The following FOXN2 variants were observed in gnomAD, a reference collection of about 807,000 sequenced individuals.
FOXN2 encodes forkhead box protein N2.
FOXN2 carries 19 observed loss-of-function variants against 41.2 expected under a neutral mutation model. That is an observed-to-expected ratio of 0.46 (90% CI 0.32 to 0.68). The LOEUF (loss-of-function observed/expected upper bound fraction) is 0.68, where lower values mean the gene tolerates loss of function less well. FOXN2 is among the 30% of genes least tolerant of loss of function. The pLI, the probability that FOXN2 is intolerant of heterozygous loss-of-function variation, is 0.03. For missense variants in FOXN2, 587 were observed against 509.4 expected (o/e 1.15, Z -1.47); for synonymous variants, 195 against 176.8 (o/e 1.10, Z -0.82).
intron 1 of FOXN2, among the ~76,000 whole-genome samples, chr2:48,320,912 T>G (rs948487475): frequency 3.9e-5 from 6 of 152,160 alleles, no homozygotes; most frequent in African/African-American, 1.4e-4. Context: ...TTCCTGGGAC[T>G]CAAGGAGGTT....
intron 3 of FOXN2, among the ~76,000 whole-genome samples, chr2:48,357,504 CT>C (rs113343294): frequency 2.0e-3 from 283 of 144,040 alleles, no homozygotes; most frequent in Middle Eastern, 7.2e-3. Context: ...TTAATTCTTC[CT>C]TTTTTTTTTT....
At chr2:48,332,598 A>G (rs138790723) in intron 2 of FOXN2, among the ~76,000 whole-genome samples, 184 of 152,328 alleles carry the variant, frequency 1.2e-3, no homozygotes, top group African/African-American at 4.3e-3. Flanking sequence ...TTTAATTTCA[A>G]AACTTCAAAA....
intron 5 of FOXN2, among the ~76,000 whole-genome samples, chr2:48,369,524 G>A (rs1316325482): frequency 2.0e-5 from 3 of 152,068 alleles, no homozygotes; most frequent in South Asian, 2.1e-4. Context: ...GACGACAAGA[G>A]TGAAACTCCA....
chr2:48,321,457 A>G (rs1399873581), intron 1 of FOXN2, among the ~76,000 whole-genome samples: 1 of 151,978 alleles, frequency 6.6e-6, no homozygotes, highest in African/African-American at 2.4e-5. Context: ...AATGGCCTGA[A>G]CCCGGGAGGC....
At chr2:48,343,674 G>A (rs1670912274) in intron 2 of FOXN2, among the ~76,000 whole-genome samples, 1 of 151,934 alleles carries the variant, frequency 6.6e-6, no homozygotes, top group African/African-American at 2.4e-5. Flanking sequence ...CAGGAGGATC[G>A]CTTGAACCCA....
chr2:48,321,472 C>G (rs1204438466), intron 1 of FOXN2, among the ~76,000 whole-genome samples: 2 of 152,014 alleles, frequency 1.3e-5, no homozygotes, highest in Non-Finnish European at 2.9e-5. Flanking sequence ...GGAGGCAGAG[C>G]TTGCAGTGAG....
chr2:48,327,665 G>C (rs1048642568), intron 1 of FOXN2, among the ~76,000 whole-genome samples: 1 of 152,064 alleles, frequency 6.6e-6, no homozygotes, highest in Non-Finnish European at 1.5e-5. Flanking sequence ...GGCTGGTCTT[G>C]AACTCCCTAC....
chr2:48,315,651 C>T (rs1668860463), intron 1 of FOXN2, among the ~76,000 whole-genome samples: 1 of 152,194 alleles, frequency 6.6e-6, no homozygotes, highest in African/African-American at 2.4e-5. Context: ...TGGAACCCGG[C>T]AGGACGGTGG....
chr2:48,318,220 T>C (rs1669063009), intron 1 of FOXN2, among the ~76,000 whole-genome samples: 1 of 152,226 alleles, frequency 6.6e-6, no homozygotes, highest in Non-Finnish European at 1.5e-5. Flanking sequence ...ACAGTACTAT[T>C]AACTACATAC....
chr2:48,368,004 G>A lies in FOXN2; in HGVS notation c.704-5288G>A, dbSNP rs193221953. On this transcript the variant is annotated intron_variant, in intron 5 of 6. Coordinates refer to ENST00000340553, the MANE Select transcript of FOXN2 (RefSeq NM_002158.4). Reference sequence around the variant, plus strand: ...ATTGCAGACGCGTATGACCTCACCCGGCTAATTTTTGTATTTTTAGTAGAG... The same window carrying A: ...ATTGCAGACGCGTATGACCTCACCCAGCTAATTTTTGTATTTTTAGTAGAG... Among the ~76,000 whole-genome samples the A allele has an allele frequency of 7.9e-5, 12 of 152,152 alleles. No homozygotes were observed. The East Asian group carries it at 1.7e-3, about 22-fold the overall frequency.
At chr2:48,361,840 A>T (rs958644808) in intron 4 of FOXN2, among the ~76,000 whole-genome samples, 1 of 152,210 alleles carries the variant, frequency 6.6e-6, no homozygotes, top group Non-Finnish European at 1.5e-5. Flanking sequence ...TATGTTTATT[A>T]ATAAAATCAG....
chr2:48,353,814 C>T (rs912902139), intron 3 of FOXN2, among the ~76,000 whole-genome samples: 8 of 151,488 alleles, frequency 5.3e-5, no homozygotes, highest in African/African-American at 1.5e-4. Flanking sequence ...TATTCTTTTT[C>T]CTCTGTTGTG....
At chr2:48,361,131 A>T (rs1230868505) in intron 4 of FOXN2, among the ~76,000 whole-genome samples, 2 of 152,148 alleles carry the variant, frequency 1.3e-5, no homozygotes, top group Non-Finnish European at 2.9e-5. Flanking sequence ...AGCCTTAATC[A>T]TAAGTTTAAA....
At chr2:48,367,977 G>A (rs1160493224) in intron 5 of FOXN2, among the ~76,000 whole-genome samples, 2 of 152,144 alleles carry the variant, frequency 1.3e-5, no homozygotes, top group Non-Finnish European at 2.9e-5. Context: ...CAAGTAGCTG[G>A]GATTGCAGAC....
chr2:48,333,135 T>C (rs983743427), intron 2 of FOXN2, among the ~76,000 whole-genome samples: 2 of 152,272 alleles, frequency 1.3e-5, no homozygotes, highest in East Asian at 3.9e-4. Context: ...TTTATAATTA[T>C]ATAATATTTA....
intron 4 of FOXN2, among the ~76,000 whole-genome samples, chr2:48,361,404 T>G (rs1377169669): frequency 6.6e-6 from 1 of 151,836 alleles, no homozygotes; most frequent in African/African-American, 2.4e-5. Context: ...GAGGCAGAGG[T>G]TGCAGTGAGC....
intron 3 of FOXN2, among the ~76,000 whole-genome samples, chr2:48,357,282 A>C (rs1365915605): frequency 1.3e-5 from 2 of 152,212 alleles, no homozygotes; most frequent in Non-Finnish European, 2.9e-5. Context: ...TACTGTGATC[A>C]AAACAATTTG....
In FOXN2 at chr2:48,375,052, A is replaced by C; in HGVS notation, c.905A>C (p.His302Pro). The change falls in exon 7 of 7, where the codon CAC becomes CCC. Residue 302 changes from histidine (H) to proline (P), a missense_variant. Physicochemically the swap from His to Pro is moderately conservative, Grantham distance 77 (BLOSUM62 -2). Coordinates refer to ENST00000340553, the MANE Select transcript of FOXN2 (RefSeq NM_002158.4). ...ACCAGCATTGATCCAAAAGAAGATCACAATTACAGTGCAAGTAGCATGGCA... is the reference window on the plus strand; with the variant it reads ...ACCAGCATTGATCCAAAAGAAGATCCCAATTACAGTGCAAGTAGCATGGCA... The part of the protein sequence containing the change: ...LATSIDPKED[H>P]NYSASSMAAQ... 1 of 1,614,106 alleles carries C rather than the reference A, an allele frequency of 6.2e-7. No homozygotes were observed. Among genetic ancestry groups the C allele is most frequent in the Non-Finnish European group, 8.5e-7 (1 of 1,179,982 alleles).
chr2:48,324,505 A>G (rs1669538890), intron 1 of FOXN2, among the ~76,000 whole-genome samples: 1 of 151,956 alleles, frequency 6.6e-6, no homozygotes, highest in South Asian at 2.1e-4. Context: ...TCATCCTTCA[A>G]ATTTTTTTTT....
Sources: gnomAD v4.1 joint callset for allele counts (sites outside exome capture counted in the v4.1 genomes callset) on GRCh38, gnomAD v4.1.1 for gene constraint, MANE v1.5 for transcripts, NCBI Gene and HGNC (gene_info 2026-07-23, HGNC 2026-07-21) for gene names.